AKAP7: variants seen among roughly 807,000 people sequenced by gnomAD.
The protein encoded by AKAP7 is A kinase (PRKA) anchor protein 7.
AKAP7 carries 39 observed loss-of-function variants against 39.5 expected under a neutral mutation model. The observed-to-expected ratio is 0.99, with a 90% CI of 0.76 to 1.29. The LOEUF (loss-of-function observed/expected upper bound fraction) is 1.29. AKAP7 is among the 50% of genes most tolerant of loss of function. The pLI is 0.00. For missense variants in AKAP7, 414 were observed against 407.7 expected, an observed-to-expected ratio of 1.02 and a Z score of -0.13; for synonymous variants, 140 against 139.1, an observed-to-expected ratio of 1.01 and a Z score of -0.05.
intron 7 of AKAP7, among the ~76,000 whole-genome samples, chr6:131,248,886 G>A (rs1812234758): frequency 6.6e-6 from 1 of 152,158 alleles, no homozygotes; most frequent in African/African-American, 2.4e-5. Context: ...GGGGAATACT[G>A]GAAGAGTTTA....
chr6:131,241,269 A>G (rs1388126003), intron 7 of AKAP7, among the ~76,000 whole-genome samples: 1 of 152,146 alleles, frequency 6.6e-6, no homozygotes, highest in African/African-American at 2.4e-5. Flanking sequence ...TGCACTTGGC[A>G]TTTGCAGTGG....
At chr6:131,205,825 AT>A (rs1001442003) in intron 6 of AKAP7, among the ~76,000 whole-genome samples, 31 of 152,268 alleles carry the variant, frequency 2.0e-4, no homozygotes, top group African/African-American at 7.2e-4. Flanking sequence ...GTATTCTGTA[AT>A]TTTTTTCATC....
At chr6:131,214,413 T>TA (rs1440792623) in intron 6 of AKAP7, among the ~76,000 whole-genome samples, 2 of 152,134 alleles carry the variant, frequency 1.3e-5, no homozygotes, top group African/African-American at 4.8e-5. Context: ...ATGGCGTGCC[T>TA]AAAAAAATCC....
intron 5 of AKAP7, among the ~76,000 whole-genome samples, chr6:131,188,491 A>G (rs915286969): frequency 7.3e-5 from 11 of 151,712 alleles, no homozygotes; most frequent in African/African-American, 2.7e-4. Context: ...AAGACATGGA[A>G]AATACTCATG....
chr6:131,184,461 C>T, intron 5 of AKAP7: 1 of 663,810 alleles, frequency 1.5e-6, no homozygotes, highest in Non-Finnish European at 2.9e-6. Flanking sequence ...ATGATCGCAG[C>T]ATCACAAAAG....
At chr6:131,211,601 T>TAA (rs556028216) in intron 6 of AKAP7, among the ~76,000 whole-genome samples, 2 of 140,132 alleles carry the variant, frequency 1.4e-5, no homozygotes, top group South Asian at 2.3e-4. Flanking sequence ...CCATCTCTAC[T>TAA]AAAAAAAAAA....
At chr6:131,248,387 C>G (rs1812201707) in intron 7 of AKAP7, among the ~76,000 whole-genome samples, 1 of 152,176 alleles carries the variant, frequency 6.6e-6, no homozygotes, top group Non-Finnish European at 1.5e-5. Flanking sequence ...TATACTGATG[C>G]TGGTGATTGG....
At chr6:131,184,679 T>TA in intron 5 of AKAP7, 1 of 777,366 alleles carries the variant, frequency 1.3e-6, no homozygotes, top group South Asian at 1.4e-5. Flanking sequence ...AGGCAGAAGT[T>TA]ACAGTAGTTG....
At chr6:131,249,441 G>A (rs1812272164) in intron 7 of AKAP7, among the ~76,000 whole-genome samples, 1 of 152,046 alleles carries the variant, frequency 6.6e-6, no homozygotes, top group Non-Finnish European at 1.5e-5. Flanking sequence ...ATGAAAGTAG[G>A]TGGACTATGT....
At chr6:131,184,231 A>C (rs1805583680) in intron 5 of AKAP7, 1 of 418,802 alleles carries the variant, frequency 2.4e-6, no homozygotes, top group Non-Finnish European at 4.6e-6. Context: ...TGGACTTGTG[A>C]AGGAGAGGAG....
At chr6:131,168,947 T>C (rs921183376) in intron 4 of AKAP7, among the ~76,000 whole-genome samples, 166 bp from the exon 5 acceptor site, 1 of 152,234 alleles carries the variant, frequency 6.6e-6, no homozygotes, top group Non-Finnish European at 1.5e-5. Flanking sequence ...TGTTTAAAAC[T>C]GTCAGTTTTA....
At chr6:131,179,868 CAAATAAATAAAT>C (rs146955140) in intron 5 of AKAP7, among the ~76,000 whole-genome samples, 10 of 149,324 alleles carry the variant, frequency 6.7e-5, no homozygotes, top group Non-Finnish European at 1.2e-4. Flanking sequence ...GACCCTGTCT[CAAATAAATAAAT>C]AAATAAATAA....
intron 7 of AKAP7, among the ~76,000 whole-genome samples, chr6:131,273,718 C>T (rs887414667): frequency 1.3e-5 from 2 of 152,122 alleles, no homozygotes; most frequent in Admixed American, 1.3e-4. Context: ...CTTATTTTTA[C>T]TTACGTATGT....
Position 131,281,242 on chromosome 6 carries a change from T to C in AKAP7, c.851-288T>C, listed in dbSNP as rs1283520529. ...GGACGTTAGTAGTAGTAATTAGCCTTGGATGAGAGAAGAACAGAAATTCAC... is the reference window on the plus strand; with the variant it reads ...GGACGTTAGTAGTAGTAATTAGCCTCGGATGAGAGAAGAACAGAAATTCAC... On this transcript the variant is annotated intron_variant, in intron 7 of 7. Coordinates refer to ENST00000431975, the MANE Select transcript of AKAP7 (RefSeq NM_016377.4). The surrounding 1 kb of genome is among the most constrained non-coding windows in gnomAD (Gnocchi z 4.0). 6.6e-6 allele frequency among the ~76,000 whole-genome samples: 1 copy of C among 152,164 alleles called. No homozygotes were observed. Among genetic ancestry groups the C allele is most frequent in the African/African-American group, 2.4e-5 (1 of 41,436 alleles).
chr6:131,246,368 C>T (rs1812005561), intron 7 of AKAP7, among the ~76,000 whole-genome samples: 1 of 152,002 alleles, frequency 6.6e-6, no homozygotes, highest in African/African-American at 2.4e-5. Flanking sequence ...TGTAGCCAGG[C>T]CTGGGAGAAA....
At chr6:131,129,932 C>T in the AKAP7 span, among the ~76,000 whole-genome samples, 1 of 152,156 alleles carries the variant, frequency 6.6e-6, no homozygotes, top group Non-Finnish European at 1.5e-5. Flanking sequence ...AGAATTAAAA[C>T]AGAGTCAATT....
intron 7 of AKAP7, among the ~76,000 whole-genome samples, chr6:131,258,511 G>T (rs1813046921): frequency 6.6e-6 from 1 of 152,166 alleles, no homozygotes; most frequent in East Asian, 1.9e-4. Flanking sequence ...AACTTGACAT[G>T]AACAAACAGT....
At chr6:131,137,648 C>G (rs2128222440) in intron 1 of AKAP7, 1 of 152,368 alleles carries the variant, frequency 6.6e-6, no homozygotes, top group Non-Finnish European at 1.5e-5. Flanking sequence ...TCCCAAAGTG[C>G]TGGGATTACA....
At chr6:131,244,239 C>T (rs1811823247) in intron 7 of AKAP7, among the ~76,000 whole-genome samples, 1 of 152,134 alleles carries the variant, frequency 6.6e-6, no homozygotes, top group South Asian at 2.1e-4. Flanking sequence ...TGGGCTCCTT[C>T]CAGCTCCCCT....
Sources: gnomAD v4.1 joint callset for allele counts (sites outside exome capture counted in the v4.1 genomes callset) on GRCh38, gnomAD v4.1.1 for gene constraint, Gnocchi (gnomAD v3.1) non-coding constraint, MANE v1.5 for transcripts, NCBI Gene and HGNC (gene_info 2026-07-23, HGNC 2026-07-21) for gene names.